Variants in TACR3 observed in about 807,000 individuals in gnomAD.
TACR3 encodes the protein neuromedin-K receptor.
TACR3 carries 34 observed loss-of-function variants against 35.0 expected under a neutral mutation model. That is an observed-to-expected ratio of 0.97 (90% CI 0.74 to 1.30). The LOEUF is 1.30. Ranked by LOEUF, TACR3 falls within the 50% of genes most tolerant of loss-of-function variation. TACR3 has a pLI of 0.00. For missense variants in TACR3, 558 were observed against 591.7 expected, an observed-to-expected ratio of 0.94 and a Z score of 0.59; for synonymous variants, 233 against 221.1, an observed-to-expected ratio of 1.05 and a Z score of -0.48.
intron 3 of TACR3, among the ~76,000 whole-genome samples, chr4:103,599,580 T>C (rs1030646530): frequency 1.3e-5 from 2 of 152,214 alleles, no homozygotes; most frequent in Non-Finnish European, 2.9e-5. Flanking sequence ...AGTATGATAT[T>C]GGCTGTGGGT....
intron 1 of TACR3, among the ~76,000 whole-genome samples, chr4:103,705,538 A>G (rs1722768699): frequency 2.0e-5 from 3 of 152,192 alleles, no homozygotes; most frequent in Admixed American, 2.0e-4. Flanking sequence ...AGTCTTAAAC[A>G]GAAACATAAA....
At chr4:103,700,361 G>A (rs1301711553) in intron 1 of TACR3, among the ~76,000 whole-genome samples, 2 of 152,110 alleles carry the variant, frequency 1.3e-5, no homozygotes, top group Non-Finnish European at 2.9e-5. Flanking sequence ...CTTACTTACA[G>A]GAGTGTGTAA....
chr4:103,705,081 T>G (rs1722754045), intron 1 of TACR3, among the ~76,000 whole-genome samples: 1 of 152,136 alleles, frequency 6.6e-6, no homozygotes, highest in Admixed American at 6.5e-5. Flanking sequence ...AAACTATCTT[T>G]AAATATGAGT....
At chr4:103,631,616 CT>C (rs1418636454) in intron 3 of TACR3, among the ~76,000 whole-genome samples, 4 of 152,056 alleles carry the variant, frequency 2.6e-5, no homozygotes, top group Non-Finnish European at 5.9e-5. Flanking sequence ...ATAATCTTTC[CT>C]TTGTGTGTTG....
At chr4:103,627,778 T>G (rs904975676) in intron 3 of TACR3, among the ~76,000 whole-genome samples, 3 of 151,974 alleles carry the variant, frequency 2.0e-5, no homozygotes, top group Admixed American at 6.6e-5. Context: ...TGAACTCAGC[T>G]CTCCACCAAG....
intron 3 of TACR3, among the ~76,000 whole-genome samples, chr4:103,626,896 C>G (rs148812888): frequency 1.3e-5 from 2 of 151,540 alleles, no homozygotes; most frequent in East Asian, 3.9e-4. Flanking sequence ...GTGGTGGGGC[C>G]GAGCGCGGTA....
chr4:103,636,034 G>T (rs77766836), intron 3 of TACR3, among the ~76,000 whole-genome samples: 169 of 151,904 alleles, frequency 1.1e-3, no homozygotes, highest in African/African-American at 3.9e-3. Flanking sequence ...TTTGGCTTAA[G>T]AATCCAGAAT....
intron 3 of TACR3, among the ~76,000 whole-genome samples, chr4:103,643,032 TTAC>T (rs1280830186): frequency 6.6e-6 from 1 of 151,860 alleles, no homozygotes; most frequent in Non-Finnish European, 1.5e-5. Context: ...TATTCATGTC[TTAC>T]TACATTATCA....
chr4:103,679,345 G>A (rs766493119), intron 1 of TACR3, among the ~76,000 whole-genome samples: 28 of 151,984 alleles, frequency 1.8e-4, no homozygotes, highest in Non-Finnish European at 3.1e-4. Flanking sequence ...GGCTGTTATG[G>A]TTACCTTAAT....
intron 3 of TACR3, among the ~76,000 whole-genome samples, chr4:103,598,568 AG>A (rs565542384): frequency 8.2e-4 from 124 of 152,136 alleles, no homozygotes; most frequent in African/African-American, 3.0e-3. Flanking sequence ...GTTTTCTTCT[AG>A]GGTTTTTATG....
intron 1 of TACR3, among the ~76,000 whole-genome samples, chr4:103,717,928 A>C (rs1723126486): frequency 6.6e-6 from 1 of 152,160 alleles, no homozygotes; most frequent in East Asian, 1.9e-4. Flanking sequence ...GAGGCTTTTT[A>C]AAAAGTGTGA....
chr4:103,599,206 C>A (rs1404342208), intron 3 of TACR3, among the ~76,000 whole-genome samples: 10 of 152,092 alleles, frequency 6.6e-5, no homozygotes, highest in Non-Finnish European at 1.5e-4. Flanking sequence ...ATTTTATTTT[C>A]TTTGAAGCAA....
At chr4:103,673,314 C>T (rs1169477371) in intron 1 of TACR3, among the ~76,000 whole-genome samples, 1 of 152,166 alleles carries the variant, frequency 6.6e-6, no homozygotes, top group African/African-American at 2.4e-5. Flanking sequence ...TAAGCTTAAT[C>T]ATTTCTAGCT....
chr4:103,653,013 C>A (rs1490625988), intron 3 of TACR3, among the ~76,000 whole-genome samples: 1 of 151,986 alleles, frequency 6.6e-6, no homozygotes, highest in Non-Finnish European at 1.5e-5. Flanking sequence ...GAACAATATG[C>A]ATATTAGTGC....
intron 1 of TACR3, among the ~76,000 whole-genome samples, chr4:103,686,499 C>G (rs1188377462): frequency 6.6e-6 from 1 of 152,058 alleles, no homozygotes; most frequent in Non-Finnish European, 1.5e-5. Flanking sequence ...TTAGTACACA[C>G]AAGTCACTAA....
intron 3 of TACR3, among the ~76,000 whole-genome samples, chr4:103,613,105 C>T (rs1356148939): frequency 1.3e-5 from 2 of 152,008 alleles, no homozygotes; most frequent in East Asian, 3.9e-4. Flanking sequence ...CAAAAATGGT[C>T]AATATACTAG....
chr4:103,701,600 T>G (rs1722649666), intron 1 of TACR3, among the ~76,000 whole-genome samples: 1 of 152,222 alleles, frequency 6.6e-6, no homozygotes, highest in African/African-American at 2.4e-5. Flanking sequence ...AAGACAATCC[T>G]AAGCCAAAAG....
intron 3 of TACR3, among the ~76,000 whole-genome samples, chr4:103,606,239 A>G (rs1336442500): frequency 6.6e-6 from 1 of 151,742 alleles, no homozygotes; most frequent in Non-Finnish European, 1.5e-5. Context: ...CTTGTAGTAT[A>G]GTTTGAAGTC....
intron 3 of TACR3, among the ~76,000 whole-genome samples, chr4:103,609,933 T>A (rs1235963817): frequency 6.6e-6 from 1 of 152,106 alleles, no homozygotes; most frequent in African/African-American, 2.4e-5. Context: ...TCATGGAAAC[T>A]GTTACAAATC....
Sources: allele counts gnomAD v4.1 joint callset (sites outside exome capture counted in the v4.1 genomes callset), GRCh38; gene constraint gnomAD v4.1.1; transcripts MANE v1.5; gene names NCBI Gene and HGNC (gene_info 2026-07-23, HGNC 2026-07-21).